RNF152: variants seen among roughly 807,000 people sequenced by gnomAD.
RNF152 encodes ring finger protein 152.
Under a neutral mutation model 12.7 loss-of-function variants are expected in RNF152, and 11 were observed. The observed-to-expected ratio is 0.86, with a 90% CI of 0.54 to 1.43. The LOEUF is 1.43. Among genes scored for constraint, RNF152 ranks in the 40% most tolerant of loss-of-function variants. RNF152 has a pLI of 0.00. For missense variants in RNF152, 255 were observed against 274.8 expected, an observed-to-expected ratio of 0.93 and a Z score of 0.51; for synonymous variants, 113 against 120.3, an observed-to-expected ratio of 0.94 and a Z score of 0.40.
Position 61,861,809 on chromosome 18 carries a change from C to T in RNF152, c.-136+30986G>A, listed in dbSNP as rs1418467788. 3.9e-5 allele frequency among the ~76,000 whole-genome samples: 6 copies of T among 152,236 alleles called. No homozygotes were observed. In the East Asian group the frequency reaches 1.2e-3, roughly 29 times the overall value. ...TGAGGAGGCAGGCTCTTTGTAACAA[C>T]CAGCCCTCATGGAAACTAATAGAGT... On this transcript the variant is annotated intron_variant, in intron 1 of 1. Coordinates refer to ENST00000312828, the MANE Select transcript of RNF152 (RefSeq NM_173557.3).
rs540649513 is a variant in RNF152 at position 61,813,024 on chromosome 18, T to C, written c.*2828A>G. 3 of 152,306 alleles carry C rather than the reference T, an allele frequency of 2.0e-5. No homozygotes were observed. The highest frequency in any genetic ancestry group is 3.9e-4 in the East Asian group (2 of 5,170). 9.4% of individuals were successfully genotyped at this position (152,306 alleles called of 1,614,324 possible). A position where few individuals can be genotyped will look rare whatever the true frequency, so the allele number is the denominator to read the frequency against. ...TGCAGAATTACAAAACGGACTCATC[T>C]ACAAAATGAAGCCACCGGAGGCTGC... is the stretch of plus-strand genomic sequence containing the variant. On this transcript the variant is annotated 3_prime_UTR_variant, in exon 2 of 2. Coordinates refer to ENST00000312828, the MANE Select transcript of RNF152 (RefSeq NM_173557.3).
intron 1 of RNF152, among the ~76,000 whole-genome samples, chr18:61,883,152 C>G (rs1405266184): frequency 6.6e-6 from 1 of 152,182 alleles, no homozygotes; most frequent in Non-Finnish European, 1.5e-5. Context: ...GCCCCTCAAC[C>G]TGTCCTGGAA....
rs1233087960 is a variant in RNF152 at position 61,808,306 on chromosome 18, C to T, written c.*7546G>A. Reference sequence around the variant, plus strand: ...AAACAGCAGCTTGATATCCCCTTTACGAAGTCAATATTTGGCAACATTTGG... The same window carrying T: ...AAACAGCAGCTTGATATCCCCTTTATGAAGTCAATATTTGGCAACATTTGG... On this transcript the variant is annotated 3_prime_UTR_variant, in exon 2 of 2. Transcript: ENST00000312828. The T allele has an allele frequency of 2.1e-5, 3 of 142,866 alleles. No individual in the cohort carries two copies. Among genetic ancestry groups the T allele is most frequent in the East Asian group, 2.1e-4 (1 of 4,854 alleles). The allele number at this position is 142,866 out of a possible 1,614,324, so 8.8% of individuals were successfully genotyped here. A position where few individuals can be genotyped will look rare whatever the true frequency, so the allele number is the denominator to read the frequency against.
chr18:61,867,444 A>G (rs1201040833), intron 1 of RNF152, among the ~76,000 whole-genome samples: 3 of 151,392 alleles, frequency 2.0e-5, no homozygotes, highest in African/African-American at 7.3e-5. Flanking sequence ...AGAGTGAGAC[A>G]CCATCTCAAA....
intron 1 of RNF152, among the ~76,000 whole-genome samples, chr18:61,819,636 T>A (rs922704051): frequency 2.0e-5 from 3 of 151,976 alleles, no homozygotes; most frequent in Non-Finnish European, 4.4e-5. Flanking sequence ...GAAATAGGGA[T>A]CATGAAGAGA....
At chr18:61,825,130 C>T (rs959220135) in intron 1 of RNF152, among the ~76,000 whole-genome samples, 1 of 152,146 alleles carries the variant, frequency 6.6e-6, no homozygotes, top group Non-Finnish European at 1.5e-5. Flanking sequence ...AGTGAGTAAG[C>T]AGATATTTAT....
In RNF152 at chr18:61,859,880, A is replaced by AAAAAGAAAAGAAAAGAAAAG. The variant is rs146200073; in HGVS notation, c.-136+32895_-136+32914dup. Among the ~76,000 whole-genome samples, 1,024 of 151,232 alleles carry AAAAAGAAAAGAAAAGAAAAG rather than the reference A, an allele frequency of 6.8e-3. 13 individuals carry two copies. Among genetic ancestry groups the AAAAAGAAAAGAAAAGAAAAG allele is most frequent in the African/African-American group, 0.024 (985 of 40,602 alleles). On this transcript the variant is annotated intron_variant, in intron 1 of 1. Transcript: ENST00000312828. ...GACAACAGAGACTCCACCTCAAAGA[A>AAAAAGAAAAGAAAAGAAAAG]AAAAGAAAAGAAAAGAAAAGAAAAG...
intron 1 of RNF152, among the ~76,000 whole-genome samples, chr18:61,831,487 C>A (rs1332963295): frequency 1.3e-5 from 2 of 152,180 alleles, no homozygotes; most frequent in East Asian, 3.8e-4. Context: ...CCTGCTCTTA[C>A]TGTCTCCCTT....
At chr18:61,817,367 A>G (rs775253699) in intron 1 of RNF152, among the ~76,000 whole-genome samples, 1 of 152,234 alleles carries the variant, frequency 6.6e-6, no homozygotes, top group Non-Finnish European at 1.5e-5. Flanking sequence ...GTACCAAGTA[A>G]CACAACTAAA....
In RNF152 at chr18:61,863,386, G is replaced by A. The variant is rs111901070; in HGVS notation, c.-136+29409C>T. Among the ~76,000 whole-genome samples the A allele has an allele frequency of 4.8e-5, 7 of 145,224 alleles. 1 individual carries two copies. The highest frequency in any genetic ancestry group is 4.0e-4 in the East Asian group (2 of 4,950). On this transcript the variant is annotated intron_variant, in intron 1 of 1. Transcript: ENST00000312828. The stretch of plus-strand genomic sequence containing the variant: ...GGAAGTGGAGGTTGCAGTGAGCGGC[G>A]ATCGTGCCACCGCACTCCAGCCTGG...
intron 1 of RNF152, among the ~76,000 whole-genome samples, chr18:61,871,842 T>C (rs1249621358): frequency 1.3e-5 from 2 of 152,166 alleles, no homozygotes; most frequent in Non-Finnish European, 2.9e-5. Context: ...ACTTGAGAGG[T>C]AGTAAGCCTC....
In RNF152 at chr18:61,811,340, C is replaced by T. The variant is rs1438576242; in HGVS notation, c.*4512G>A. 1.3e-5 allele frequency: 2 copies of T among 152,142 alleles called. No homozygotes were observed. The highest frequency in any genetic ancestry group is 4.8e-5 in the African/African-American group (2 of 41,420). 9.4% of individuals were successfully genotyped at this position (152,142 alleles called of 1,614,324 possible). ...AATATATCTCAAACTGAATTTTCTG[C>T]TTCCTTTTATTTAGCTAAAAAGTAA... On this transcript the variant is annotated 3_prime_UTR_variant, in exon 2 of 2. Transcript: ENST00000312828.
rs540069194 is a variant in RNF152 at position 61,810,920 on chromosome 18, C to G, written c.*4932G>C. 2.6e-5 allele frequency: 4 copies of G among 152,172 alleles called. No individual in the cohort carries two copies. The highest frequency in any genetic ancestry group is 4.1e-4 in the South Asian group (2 of 4,820). 9.4% of individuals were successfully genotyped at this position (152,172 alleles called of 1,614,324 possible). ...TTCTTATGTGGAAACAAAATGCTGA[C>G]TGGTGGGCAGCATCACTTTTCTGAG... On this transcript the variant is annotated 3_prime_UTR_variant, in exon 2 of 2. Coordinates refer to ENST00000312828, the MANE Select transcript of RNF152 (RefSeq NM_173557.3).
chr18:61,885,949 A>T (rs1343231340), intron 1 of RNF152, among the ~76,000 whole-genome samples: 1 of 148,468 alleles, frequency 6.7e-6, no homozygotes, highest in South Asian at 2.2e-4. Context: ...TATGTCACCA[A>T]GTAGAGGTTT....
Position 61,813,975 on chromosome 18 carries a change from T to G in RNF152, c.*1877A>C, listed in dbSNP as rs1366271021. 4.6e-5 allele frequency: 7 copies of G among 152,356 alleles called. No homozygotes were observed. In the East Asian group the frequency reaches 1.2e-3, roughly 25 times the overall value. 9.4% of individuals were successfully genotyped at this position (152,356 alleles called of 1,614,324 possible). The stretch of plus-strand genomic sequence containing the variant: ...ACCAAATAAATCCTAGATTATTTGT[T>G]GTATAATGCCCAAGAGCTTACACAA... On this transcript the variant is annotated 3_prime_UTR_variant, in exon 2 of 2. Transcript: ENST00000312828.
At position 61,856,602 on chromosome 18, in the gene RNF152, G is replaced by A. The variant is rs59898273; in HGVS notation, c.-136+36193C>T. Among the ~76,000 whole-genome samples, 1,200 of 152,236 alleles carry A rather than the reference G, an allele frequency of 7.9e-3. 20 individuals carry two copies. Among genetic ancestry groups the A allele is most frequent in the African/African-American group, 0.027 (1,117 of 41,530 alleles). On this transcript the variant is annotated intron_variant, in intron 1 of 1. Transcript: ENST00000312828. ...ATTCCTGGGAGTTGATAACTGGAGT[G>A]TTTAGATTTGATACCCCTTCTTTCT...
intron 1 of RNF152, among the ~76,000 whole-genome samples, chr18:61,837,139 C>T (rs901023613): frequency 6.6e-6 from 1 of 152,132 alleles, no homozygotes; most frequent in Non-Finnish European, 1.5e-5. Context: ...GTCTTGCATC[C>T]AGTCAGTCAT....
intron 1 of RNF152, among the ~76,000 whole-genome samples, chr18:61,821,304 T>C (rs1212263767): frequency 1.3e-5 from 2 of 152,220 alleles, no homozygotes; most frequent in Non-Finnish European, 2.9e-5. Flanking sequence ...TCCAAGTAAG[T>C]TCTAGGCCTT....
rs1418936241 is a variant in RNF152 at position 61,816,346 on chromosome 18, G to C, written c.118C>G (p.Gln40Glu). The C allele has an allele frequency of 6.2e-7, 1 of 1,614,106 alleles. No homozygotes were observed. Among genetic ancestry groups the C allele is most frequent in the Non-Finnish European group, 8.5e-7 (1 of 1,180,054 alleles). The change falls in exon 2 of 2, where the codon CAG becomes GAG. Residue 40 changes from glutamine to glutamate, a missense_variant. Physicochemically the swap from Gln to Glu is conservative, Grantham distance 29 (BLOSUM62 2). Transcript: ENST00000312828. ...CKHTCCSVCL[Q>E]QMRTSQKDVR... ...TCCTTCTGGCTGGTCCTCATCTGCT[G>C]CAGGCACACTGAACAGCAGGTGTGC...
Sources: allele counts gnomAD v4.1 joint callset (sites outside exome capture counted in the v4.1 genomes callset), GRCh38; gene constraint gnomAD v4.1.1; transcripts MANE v1.5; gene names NCBI Gene and HGNC (gene_info 2026-07-23, HGNC 2026-07-21).